ENO3: variants seen among roughly 807,000 people sequenced by gnomAD.
ENO3 encodes the protein beta-enolase.
Under a neutral mutation model 47.7 loss-of-function variants are expected in ENO3, and 46 were observed. The ratio of observed to expected loss-of-function variants is 0.96; its 90% CI spans 0.76 to 1.23. The LOEUF (loss-of-function observed/expected upper bound fraction) is 1.23, where lower values mean the gene tolerates loss of function less well. Among genes scored for constraint, ENO3 ranks in the 50% most tolerant of loss-of-function variants. The pLI is 0.00. For missense variants in ENO3, 575 were observed against 566.2 expected, an observed-to-expected ratio of 1.02 and a Z score of -0.16; for synonymous variants, 223 against 225.9, an observed-to-expected ratio of 0.99 and a Z score of 0.11.
In ENO3 at chr17:4,952,832, G is replaced by A. The variant is rs752338197; in HGVS notation, c.123G>A (p.Thr41=). The change falls in exon 3 of 12, where the codon ACG becomes ACA. Residue 41 remains threonine, a synonymous_variant. Coordinates refer to ENST00000519602, the MANE Select transcript of ENO3 (RefSeq NM_053013.4). ...CAGCTGTGCCCAGTGGGGCTTCCAC[G>A]GGTATCTATGAGGCTCTGGAACTAA... The part of the protein sequence containing the change: ...FRAAVPSGAS[T]GIYEALELRD... 78 of 1,611,810 alleles carry A rather than the reference G, an allele frequency of 4.8e-5. No homozygotes were observed. Among genetic ancestry groups the A allele is most frequent in the East Asian group, 2.5e-4 (11 of 44,862 alleles).
rs753922403 is a variant in ENO3, at chr17:4,956,839, TG to T, written c.1187del (p.Gly396AlafsTer16). ...VGLCTGQIKTGAPCRSERLAK... is the reference protein window; with the variant it reads ...VGLCTGQIKTXAPCRSERLAK... ...TCTTCTTCCCTCATCAGATCAAGAC[TG>T]GCGCCCCCTGCCGCTCGGAGCGTCT... On this transcript the variant is annotated frameshift_variant, in exon 11 of 12. Transcript: ENST00000519602. LOFTEE classifies it high-confidence loss of function. 6.2e-7 allele frequency: 1 copy of T among 1,614,164 alleles called. No individual in the cohort carries two copies. Among genetic ancestry groups the T allele is most frequent in the Non-Finnish European group, 8.5e-7 (1 of 1,180,030 alleles).
chr17:4,951,231 A>G (rs1008490460), intron 1 of ENO3, 49 bp downstream of exon 1: 4 of 998,270 alleles, frequency 4.0e-6, no homozygotes, highest in Non-Finnish European at 4.8e-6. Context: ...AAGGGTGAGC[A>G]TGGTATTGGC....
At position 4,953,171 on chromosome 17, in the gene ENO3, C is replaced by G. The variant is rs77592115; in HGVS notation, c.240+62C>G. The G allele has an allele frequency of 4.8e-3, 7,804 of 1,613,056 alleles. 277 individuals carry two copies. The African/African-American group carries it at 0.086, about 18-fold the overall frequency. On this transcript the variant is annotated intron_variant, in intron 4 of 11. Transcript: ENST00000519602. ...CATGCCCCTGCTCCCTCAGCCCAGA[C>G]AGGCCTCTCCCGAAACATTTTCCCT...
In ENO3 at chr17:4,951,156, T is replaced by A. The variant is rs1043446151; in HGVS notation, c.-29T>A. 3.0e-6 allele frequency: 3 copies of A among 989,508 alleles called. No individual in the cohort carries two copies. The highest frequency in any genetic ancestry group is 2.4e-6 in the Non-Finnish European group (2 of 832,454). 61.3% of individuals were successfully genotyped at this position (989,508 alleles called of 1,614,324 possible). A position where few individuals can be genotyped will look rare whatever the true frequency, so the allele number is the denominator to read the frequency against. On this transcript the variant is annotated 5_prime_UTR_variant, in exon 1 of 12. Transcript: ENST00000519602. The stretch of plus-strand genomic sequence containing the variant: ...GCTGCCACCTAGACTCGGAGCTCCA[T>A]CCAAACCTCCAGCGAAGACATCCCA...
At chr17:4,956,442 C>A in intron 9 of ENO3, 131 bp from the exon 10 acceptor site, 1 of 926,604 alleles carries the variant, frequency 1.1e-6, no homozygotes, top group Non-Finnish European at 1.8e-6. Flanking sequence ...CTCCTACTTC[C>A]CAAAGAACTT....
chr17:4,954,960 G>T, intron 6 of ENO3, 115 bp from the exon 7 acceptor site: 3 of 789,050 alleles, frequency 3.8e-6, no homozygotes, highest in Non-Finnish European at 6.1e-6. Context: ...ACTCATCCTA[G>T]ACCACTGAGC....
upstream of ENO3, among the ~76,000 whole-genome samples, chr17:4,949,799 G>A (rs1229289544): frequency 6.6e-6 from 1 of 152,132 alleles, no homozygotes; most frequent in Non-Finnish European, 1.5e-5. Context: ...CGTCCACGCC[G>A]AATCCCACAG....
chr17:4,950,035 C>T (rs1447116924), upstream of ENO3, among the ~76,000 whole-genome samples: 1 of 136,560 alleles, frequency 7.3e-6, no homozygotes, highest in Non-Finnish European at 1.6e-5. Context: ...GGCAGGTGGC[C>T]TGGGGTGGGG....
rs759892571 is a variant in ENO3, at chr17:4,953,358, C to T, written c.310+17C>T. ...AGAATAAGTGTGAGTGAAGGGCTAG[C>T]GGTGGGGAAGGGATGAGGTGTGGGA... On this transcript the variant is annotated intron_variant, in intron 5 of 11. Transcript: ENST00000519602. 3.1e-6 allele frequency: 5 copies of T among 1,614,096 alleles called. No individual in the cohort carries two copies. The highest frequency in any genetic ancestry group is 2.2e-5 in the East Asian group (1 of 44,880).
chr17:4,953,107 A>T lies in ENO3; in HGVS notation c.238A>T (p.Lys80Ter), dbSNP rs760369089. 1 of 1,614,030 alleles carries T rather than the reference A, an allele frequency of 6.2e-7. No individual in the cohort carries two copies. Among genetic ancestry groups the T allele is most frequent in the Non-Finnish European group, 8.5e-7 (1 of 1,179,940 alleles). ...NNTLGPALLQ[K>*]KLSVVDQEKV... is the part of the protein sequence containing the mutation. ...TACTCTGGGCCCTGCTCTGCTGCAA[A>T]AGGCAAGTGGGGAAGCCCGCTCGCT... The change falls in exon 4 of 12, where the codon AAG becomes TAG. Residue 80 changes from lysine to a stop codon, truncating the protein, a stop_gained and splice_region_variant. Coordinates refer to ENST00000519602, the MANE Select transcript of ENO3 (RefSeq NM_053013.4). LOFTEE classifies it high-confidence loss of function.
intron 6 of ENO3, 136 bp from the exon 7 acceptor site, chr17:4,954,937 CTT>C: frequency 1.5e-6 from 1 of 648,832 alleles, no homozygotes; most frequent in Non-Finnish European, 2.6e-6. Flanking sequence ...GAAAGAGGCT[CTT>C]GAGCAAAACT....
chr17:4,954,920 A>T (rs1971669523), intron 6 of ENO3, among the ~76,000 whole-genome samples, 155 bp from the exon 7 acceptor site: 1 of 151,658 alleles, frequency 6.6e-6, no homozygotes, highest in South Asian at 2.1e-4. Flanking sequence ...AAAAAGAAAG[A>T]AATGAGGAAA....
At chr17:4,951,550 A>C (rs995272567) in intron 1 of ENO3, among the ~76,000 whole-genome samples, 1 of 151,912 alleles carries the variant, frequency 6.6e-6, no homozygotes, top group African/African-American at 2.4e-5. Context: ...GAGAAGGCCT[A>C]AGTGGAGGCT....
At chr17:4,950,403 G>A, upstream of ENO3, 1 of 211,912 alleles carries the variant, frequency 4.7e-6, no homozygotes, top group Non-Finnish European at 8.2e-6. Flanking sequence ...TCATTGATGG[G>A]CTGGGGCCGT....
rs1280660841 is a variant in ENO3 at position 4,952,864 on chromosome 17, G to A, written c.155G>A (p.Gly52Glu). Residue 52 changes from glycine (G) to glutamate (E), a missense_variant, in exon 3 of 12, where the codon GGA becomes GAA. Physicochemically the swap from Gly to Glu is moderately conservative, Grantham distance 98 (BLOSUM62 -2). Transcript: ENST00000519602. ...GIYEALELRD[G>E]DKGRYLGKGV... is the part of the protein sequence containing the mutation. ...TATGAGGCTCTGGAACTAAGAGACG[G>A]AGACAAAGGCCGCTACCTGGGGAAA... is the stretch of plus-strand genomic sequence containing the variant. 6.2e-7 allele frequency: 1 copy of A among 1,612,710 alleles called. No homozygotes were observed. The highest frequency in any genetic ancestry group is 8.5e-7 in the Non-Finnish European group (1 of 1,179,296).
At chr17:4,956,808 C>T (rs1163315379) in intron 10 of ENO3, 23 bp from the exon 11 acceptor site, 1 of 1,614,222 alleles carries the variant, frequency 6.2e-7, no homozygotes, top group Non-Finnish European at 8.5e-7. Context: ...ACCTAACCCT[C>T]CAAATTCTTC....
At chr17:4,952,008 C>T (rs1455942930) in intron 2 of ENO3, 94 bp downstream of exon 2, 12 of 1,385,562 alleles carry the variant, frequency 8.7e-6, no homozygotes, top group African/African-American at 4.3e-5. Context: ...TCCTTTCTCT[C>T]GGGTTCCCTT....
chr17:4,953,092 C>T lies in ENO3; in HGVS notation c.223C>T (p.Pro75Ser), dbSNP rs1330078263. The T allele has an allele frequency of 1.2e-6, 2 of 1,614,046 alleles. No individual in the cohort carries two copies. The highest frequency in any genetic ancestry group is 2.2e-5 in the East Asian group (1 of 44,886). The change falls in exon 4 of 12, where the codon CCT (proline) becomes TCT (serine). Residue 75 changes from proline (P) to serine (S), a missense_variant. Coordinates refer to ENST00000519602, the MANE Select transcript of ENO3 (RefSeq NM_053013.4). ...AVENINNTLGPALLQKKLSVV... is the reference protein window; with the variant it reads ...AVENINNTLGSALLQKKLSVV... The stretch of plus-strand genomic sequence containing the variant: ...GGAGAACATCAACAATACTCTGGGC[C>T]CTGCTCTGCTGCAAAAGGCAAGTGG...
chr17:4,956,944 A>C (rs1181870911), intron 11 of ENO3, 34 bp from the exon 12 acceptor site: 1 of 1,614,068 alleles, frequency 6.2e-7, no homozygotes, highest in Non-Finnish European at 8.5e-7. Flanking sequence ...GTTAGGTTGG[A>C]AGTTCAGCAG....
Sources: allele counts gnomAD v4.1 joint callset (sites outside exome capture counted in the v4.1 genomes callset), GRCh38; gene constraint gnomAD v4.1.1; transcripts MANE v1.5; gene names NCBI Gene and HGNC (gene_info 2026-07-23, HGNC 2026-07-21).